HSD17B12: variants seen among roughly 807,000 people sequenced by gnomAD.
HSD17B12 encodes the protein hydroxysteroid 17-beta dehydrogenase 12.
Under a neutral mutation model 39.3 loss-of-function variants are expected in HSD17B12, and 32 were observed. That is an observed-to-expected ratio of 0.81 (90% CI 0.61 to 1.09). The LOEUF is 1.09. HSD17B12 is among the 50% of genes least tolerant of loss of function. HSD17B12 has a pLI of 0.00. For missense variants in HSD17B12, 342 were observed against 382.9 expected (o/e 0.89, Z 0.89); for synonymous variants, 150 against 146.7 (o/e 1.02, Z -0.16).
the HSD17B12 span, among the ~76,000 whole-genome samples, chr11:43,669,620 C>A: frequency 1.4e-3 from 215 of 152,282 alleles, 2 homozygotes; most frequent in East Asian, 0.035. Flanking sequence ...TCCTTCCTTG[C>A]CTCTTCCTAA....
the HSD17B12 span, among the ~76,000 whole-genome samples, chr11:43,582,804 G>A: frequency 1.5e-4 from 23 of 152,186 alleles, no homozygotes; most frequent in African/African-American, 5.1e-4. Context: ...AGGCACGGAA[G>A]GCGAGCACTC....
In HSD17B12 at chr11:43,728,124, G is replaced by A. The variant is rs554883550; in HGVS notation, c.161-22787G>A. Among the ~76,000 whole-genome samples the A allele has an allele frequency of 4.5e-4, 68 of 151,930 alleles. 2 individuals carry two copies. The South Asian group carries it at 0.014, about 31-fold the overall frequency. ...TCTGTCACTCAGGCTGGAGTGCAGT[G>A]GCACAATCTCCACTCACTGCAACCT... On this transcript the variant is annotated intron_variant, in intron 1 of 10. Transcript: ENST00000278353.
chr11:43,756,437 G>T (rs1254152398), intron 3 of HSD17B12, among the ~76,000 whole-genome samples: 1 of 152,090 alleles, frequency 6.6e-6, no homozygotes, highest in East Asian at 1.9e-4. Context: ...TGAGCCTGAG[G>T]TAGTTACTGA....
chr11:43,835,289 C>T (rs1402774494), intron 7 of HSD17B12, among the ~76,000 whole-genome samples: 3 of 152,030 alleles, frequency 2.0e-5, no homozygotes, highest in Non-Finnish European at 4.4e-5. Context: ...GTCACTAATT[C>T]TGCTTAGATG....
Position 43,759,981 on chromosome 11 carries a change from C to T in HSD17B12, c.283+5860C>T, listed in dbSNP as rs553901180. 8.1e-4 allele frequency among the ~76,000 whole-genome samples: 123 copies of T among 152,030 alleles called. 2 individuals carry two copies. The South Asian group carries it at 9.5e-3, about 12-fold the overall frequency. Reference sequence around the variant, plus strand: ...CACGATCTTGGCTCACTGCAACCTACGTCTCCCAGGTTCAAGCAATTCTTG... The same window carrying T: ...CACGATCTTGGCTCACTGCAACCTATGTCTCCCAGGTTCAAGCAATTCTTG... On this transcript the variant is annotated intron_variant, in intron 3 of 10. Coordinates refer to ENST00000278353, the MANE Select transcript of HSD17B12 (RefSeq NM_016142.3).
the HSD17B12 span, among the ~76,000 whole-genome samples, chr11:43,657,509 C>T: frequency 3.9e-5 from 6 of 152,132 alleles, no homozygotes; most frequent in South Asian, 2.1e-4. Context: ...ATGGTCTTTA[C>T]AATTTGGCAT....
intron 1 of HSD17B12, among the ~76,000 whole-genome samples, chr11:43,715,401 G>T (rs956307466): frequency 1.3e-5 from 2 of 152,108 alleles, no homozygotes; most frequent in African/African-American, 4.8e-5. Context: ...TTTTGTCTTT[G>T]GTTCTGTTTA....
At chr11:43,647,738 G>A in the HSD17B12 span, among the ~76,000 whole-genome samples, 2 of 152,114 alleles carry the variant, frequency 1.3e-5, no homozygotes, top group Admixed American at 6.5e-5. Context: ...AGTTTGGTAC[G>A]TTTGGTTTTA....
chr11:43,808,597 C>G (rs1951040953), intron 4 of HSD17B12, among the ~76,000 whole-genome samples: 1 of 152,178 alleles, frequency 6.6e-6, no homozygotes, highest in South Asian at 2.1e-4. Context: ...AACCTCATGT[C>G]ATCTTTCTTC....
At chr11:43,579,589 G>C in the HSD17B12 span, 1 of 152,182 alleles carries the variant, frequency 6.6e-6, no homozygotes, top group African/African-American at 2.4e-5. Flanking sequence ...CGGCTCACGG[G>C]TAGTCTGAGC....
At chr11:43,833,956 G>A (rs1182235491) in intron 7 of HSD17B12, 3 of 152,176 alleles carry the variant, frequency 2.0e-5, no homozygotes, top group Non-Finnish European at 4.4e-5. Context: ...TACAGCTGGA[G>A]CCAGGAGGTG....
intron 4 of HSD17B12, among the ~76,000 whole-genome samples, chr11:43,798,775 G>C (rs1037106932): frequency 6.6e-6 from 1 of 152,106 alleles, no homozygotes; most frequent in African/African-American, 2.4e-5. Flanking sequence ...TATAGCTTAT[G>C]CGCATCCTTC....
the HSD17B12 span, among the ~76,000 whole-genome samples, chr11:43,568,074 G>A: frequency 3.9e-5 from 6 of 151,984 alleles, no homozygotes; most frequent in Non-Finnish European, 8.8e-5. Flanking sequence ...AGCCCTGTTT[G>A]TTTTTTTATT....
intron 1 of HSD17B12, among the ~76,000 whole-genome samples, chr11:43,712,330 G>C (rs1950075103): frequency 1.3e-5 from 2 of 152,072 alleles, no homozygotes; most frequent in South Asian, 4.1e-4. Flanking sequence ...AGGAGGCTGA[G>C]GCAGGAGAAT....
intron 1 of HSD17B12, among the ~76,000 whole-genome samples, chr11:43,690,402 ATAT>A (rs1949850473): frequency 3.8e-5 from 1 of 26,226 alleles, no homozygotes; most frequent in African/African-American, 2.2e-4. Flanking sequence ...ATATATATAT[ATAT>A]TTTTTTTTTT....
chr11:43,635,856 T>G, the HSD17B12 span, among the ~76,000 whole-genome samples: 1 of 152,246 alleles, frequency 6.6e-6, no homozygotes, highest in African/African-American at 2.4e-5. Flanking sequence ...GGTAATGCAA[T>G]GCTTTTTGGA....
rs752010203 is a variant in HSD17B12, at chr11:43,680,784, T to C, written c.-44T>C. The C allele has an allele frequency of 1.3e-6, 2 of 1,556,334 alleles. No homozygotes were observed. The highest frequency in any genetic ancestry group is 1.8e-6 in the Non-Finnish European group (2 of 1,127,626). ...GGCGCCTCCTCCTGGATTCATTCAC[T>C]CGCTCTTTTCATTCACGAAGGTAGT... On this transcript the variant is annotated 5_prime_UTR_variant, in exon 1 of 11. Coordinates refer to ENST00000278353, the MANE Select transcript of HSD17B12 (RefSeq NM_016142.3).
rs549693758 is a variant in HSD17B12, at chr11:43,832,827, C to T, written c.536+1817C>T. 5.9e-5 allele frequency among the ~76,000 whole-genome samples: 9 copies of T among 152,182 alleles called. No individual in the cohort carries two copies. The South Asian group carries it at 1.5e-3, about 25-fold the overall frequency. Reference sequence around the variant, plus strand: ...GGTGAATCACTTGAGGCCAGGAATTCAAGACCAGCCTGGTCAACATGGCAA... The same window carrying T: ...GGTGAATCACTTGAGGCCAGGAATTTAAGACCAGCCTGGTCAACATGGCAA... On this transcript the variant is annotated intron_variant, in intron 7 of 10. Coordinates refer to ENST00000278353, the MANE Select transcript of HSD17B12 (RefSeq NM_016142.3).
At chr11:43,582,115 T>G in the HSD17B12 span, among the ~76,000 whole-genome samples, 5 of 152,250 alleles carry the variant, frequency 3.3e-5, no homozygotes, top group Admixed American at 1.3e-4. Context: ...CCAACCTAAT[T>G]TGGGGCGTTT....
Sources: allele counts gnomAD v4.1 joint callset (sites outside exome capture counted in the v4.1 genomes callset), GRCh38; gene constraint gnomAD v4.1.1; transcripts MANE v1.5; gene names NCBI Gene and HGNC (gene_info 2026-07-23, HGNC 2026-07-21).